The following ZNF248 variants were observed in gnomAD, a reference collection of about 807,000 sequenced individuals.
ZNF248 encodes the protein KRAB protein domain.
Under a neutral mutation model 44.3 loss-of-function variants are expected in ZNF248, and 20 were observed. The ratio of observed to expected loss-of-function variants is 0.45; its 90% CI spans 0.32 to 0.66. ZNF248 has a LOEUF of 0.66. Among genes scored for constraint, ZNF248 ranks in the 30% least tolerant of loss-of-function variants. ZNF248 has a pLI of 0.04. For synonymous variants in ZNF248, 224 were observed against 229.0 expected, an observed-to-expected ratio of 0.98 and a Z score of 0.20; for missense variants, 654 against 677.0, an observed-to-expected ratio of 0.97 and a Z score of 0.38.
intron 5 of ZNF248, among the ~76,000 whole-genome samples, chr10:37,835,807 T>C (rs977397446): frequency 6.6e-6 from 1 of 152,240 alleles, no homozygotes; most frequent in Non-Finnish European, 1.5e-5. Flanking sequence ...GAAGATCTCA[T>C]TCTGCCTCAT....
intron 6 of ZNF248, among the ~76,000 whole-genome samples, chr10:37,782,902 G>C (rs1190634255): frequency 6.6e-6 from 1 of 152,066 alleles, no homozygotes; most frequent in South Asian, 2.1e-4. Context: ...TATTGTTTAA[G>C]CCACCCAGTT....
intron 3 of ZNF248, among the ~76,000 whole-genome samples, chr10:37,842,415 G>A (rs1190958054): frequency 6.6e-6 from 1 of 152,088 alleles, no homozygotes; most frequent in African/African-American, 2.4e-5. Flanking sequence ...AAAATAAAAG[G>A]CAACTTCAAA....
At chr10:37,852,717 A>G (rs2060512390) in intron 3 of ZNF248, among the ~76,000 whole-genome samples, 1 of 148,960 alleles carries the variant, frequency 6.7e-6, no homozygotes, top group African/African-American at 2.4e-5. Context: ...TATATGTAAT[A>G]TATGTATTTA....
the ZNF248 span, among the ~76,000 whole-genome samples, chr10:37,767,650 G>A: frequency 1.3e-5 from 2 of 152,256 alleles, no homozygotes; most frequent in South Asian, 2.1e-4. Flanking sequence ...GGAACAACCA[G>A]TTCCAGCCAC....
chr10:37,813,931 C>T (rs2051990546), intron 6 of ZNF248, among the ~76,000 whole-genome samples: 1 of 152,178 alleles, frequency 6.6e-6, no homozygotes, highest in South Asian at 2.1e-4. Flanking sequence ...ACCTGAGTCT[C>T]TTGTAGACAG....
chr10:37,787,068 A>G (rs948487972), intron 6 of ZNF248, among the ~76,000 whole-genome samples: 2 of 152,152 alleles, frequency 1.3e-5, no homozygotes, highest in African/African-American at 4.8e-5. Context: ...TCACAAGGTC[A>G]GGAGATCCAG....
At chr10:37,775,870 GT>G (rs2046546052), downstream of ZNF248, among the ~76,000 whole-genome samples, 1 of 152,174 alleles carries the variant, frequency 6.6e-6, no homozygotes. Flanking sequence ...TTCTAACTCA[GT>G]TGCAACAGAA....
At chr10:37,824,414 GT>G (rs1242884845), downstream of ZNF248, among the ~76,000 whole-genome samples, 2 of 152,200 alleles carry the variant, frequency 1.3e-5, no homozygotes, top group Admixed American at 6.5e-5. Context: ...CCATGACCCA[GT>G]CAAGTTGACA....
chr10:37,845,647 AAG>A (rs1270076222), intron 3 of ZNF248, among the ~76,000 whole-genome samples: 1 of 152,168 alleles, frequency 6.6e-6, no homozygotes, highest in Non-Finnish European at 1.5e-5. Context: ...TATGCATTAT[AAG>A]AAACATCAAA....
chr10:37,847,065 TCACTCTGTGGC>T, intron 3 of ZNF248, among the ~76,000 whole-genome samples: 1 of 152,308 alleles, frequency 6.6e-6, no homozygotes, highest in South Asian at 2.1e-4. Context: ...AGACAGGGAC[TCACTCTGTGGC>T]CCAAGCTGGA....
chr10:37,819,398 T>C (rs1209178431), intron 6 of ZNF248: 9 of 1,477,552 alleles, frequency 6.1e-6, no homozygotes, highest in Non-Finnish European at 4.7e-6. Flanking sequence ...TGCATGCTTG[T>C]GGTAATTCTC....
At chr10:37,852,030 C>T (rs2060347242) in intron 3 of ZNF248, among the ~76,000 whole-genome samples, 1 of 151,932 alleles carries the variant, frequency 6.6e-6, no homozygotes, top group African/African-American at 2.4e-5. Flanking sequence ...GGTGGATCAT[C>T]TGAGGTTGGG....
At chr10:37,833,931 G>A (rs1168820101) in intron 5 of ZNF248, among the ~76,000 whole-genome samples, 1 of 151,952 alleles carries the variant, frequency 6.6e-6, no homozygotes, top group East Asian at 1.9e-4. Flanking sequence ...TAAGAATTAG[G>A]TTTGGCAGAG....
At chr10:37,774,010 C>G (rs183227047), downstream of ZNF248, among the ~76,000 whole-genome samples, 2 of 152,158 alleles carry the variant, frequency 1.3e-5, no homozygotes, top group African/African-American at 2.4e-5. Flanking sequence ...CACACACACA[C>G]AGGCACATGC....
chr10:37,810,202 T>C (rs527842029), intron 6 of ZNF248, among the ~76,000 whole-genome samples: 3 of 152,344 alleles, frequency 2.0e-5, no homozygotes, highest in African/African-American at 4.8e-5. Flanking sequence ...AGTTGGCTTA[T>C]TGTGTTTTTA....
chr10:37,773,223 C>G (rs528257496), downstream of ZNF248, among the ~76,000 whole-genome samples: 2 of 152,208 alleles, frequency 1.3e-5, no homozygotes, highest in South Asian at 4.2e-4. Context: ...CCAGCCTGGG[C>G]AACAGAACAA....
At chr10:37,812,180 T>C (rs111569145) in intron 6 of ZNF248, among the ~76,000 whole-genome samples, 20 of 152,154 alleles carry the variant, frequency 1.3e-4, no homozygotes, top group African/African-American at 4.3e-4. Context: ...AAGTCTGCAG[T>C]GAGCCATGAC....
intron 3 of ZNF248, among the ~76,000 whole-genome samples, chr10:37,850,677 AAGG>A (rs918612636): frequency 3.9e-5 from 6 of 152,192 alleles, no homozygotes; most frequent in African/African-American, 1.4e-4. Context: ...AAAGGTACAA[AAGG>A]AGTTCAGTAA....
chr10:37,829,169 T>G lies in ZNF248; in HGVS notation c.*2446A>C. On this transcript the variant is annotated 3_prime_UTR_variant, in exon 6 of 6. Coordinates refer to ENST00000395867, the MANE Select transcript of ZNF248 (RefSeq NM_021045.3). The stretch of plus-strand genomic sequence containing the variant: ...AGACACCAGCAATTTGGCACCACAG[T>G]TCTGGTAGTAATGATGTCTCTTACA... 2 of 985,472 alleles carry G rather than the reference T, an allele frequency of 2.0e-6. No homozygotes were observed. The highest frequency in any genetic ancestry group is 9.4e-5 in the South Asian group (2 of 21,290). The allele number at this position is 985,472 out of a possible 1,614,324, so 61.0% of individuals were successfully genotyped here.
Sources: gnomAD v4.1 joint callset for allele counts (sites outside exome capture counted in the v4.1 genomes callset) on GRCh38, gnomAD v4.1.1 for gene constraint, MANE v1.5 for transcripts, NCBI Gene and HGNC (gene_info 2026-07-23, HGNC 2026-07-21) for gene names.